THOC1: variants seen among roughly 807,000 people sequenced by gnomAD.
The protein encoded by THOC1 is THO complex 1.
A neutral mutation model predicts 97.3 loss-of-function variants in THOC1; 29 were observed. That is an observed-to-expected ratio of 0.30 (90% confidence interval 0.22 to 0.41). The LOEUF is 0.41. THOC1 is among the 10% of genes least tolerant of loss of function. The pLI, the probability that THOC1 is intolerant of heterozygous loss-of-function variation, is 1.00. For synonymous variants in THOC1, 255 were observed against 257.0 expected (o/e 0.99, Z 0.07); for missense variants, 529 against 761.9 (o/e 0.69, Z 3.60).
intron 10 of THOC1, among the ~76,000 whole-genome samples, chr18:247,447 G>A (rs1333011353): frequency 6.6e-6 from 1 of 152,170 alleles, no homozygotes; most frequent in African/African-American, 2.4e-5. Context: ...ACAGGTAAGT[G>A]GATGGTCATG....
chr18:251,204 A>G (rs1246296258), intron 9 of THOC1, among the ~76,000 whole-genome samples: 2 of 152,180 alleles, frequency 1.3e-5, no homozygotes, highest in African/African-American at 2.4e-5. Context: ...TAGAAGGTTA[A>G]GTAATTGGCC....
intron 11 of THOC1, among the ~76,000 whole-genome samples, chr18:235,977 A>G (rs987687140): frequency 2.6e-5 from 4 of 152,174 alleles, no homozygotes; most frequent in Non-Finnish European, 5.9e-5. Context: ...TTTTTGCTTA[A>G]TATATTTTGA....
intron 9 of THOC1, among the ~76,000 whole-genome samples, chr18:250,765 A>T (rs1056806083): frequency 1.3e-5 from 2 of 152,306 alleles, no homozygotes; most frequent in Middle Eastern, 3.4e-3. Flanking sequence ...GAGGCAGCTG[A>T]GTGTTGAGTC....
Position 252,585 on chromosome 18 carries a change from C to T in THOC1, c.631G>A (p.Asp211Asn). Residue 211 changes from aspartate to asparagine, a missense_variant, in exon 9 of 21, where the codon GAT becomes AAT. Physicochemically the swap from Asp to Asn is conservative, Grantham distance 23. Coordinates refer to ENST00000261600, the MANE Select transcript of THOC1 (RefSeq NM_005131.3). ...TCTCCCATTTCGCCTTCTTCTACAT[C>T]CATTCCTTCTTCTCTATCTTCAGTG... Reference protein sequence around the residue: ...KHTEDREEGMDVEEGEMGDEE... With the variant: ...KHTEDREEGMNVEEGEMGDEE... 1 of 1,608,122 alleles carries T rather than the reference C, an allele frequency of 6.2e-7. No homozygotes were observed. The highest frequency in any genetic ancestry group is 8.5e-7 in the Non-Finnish European group (1 of 1,178,202).
At chr18:241,268 T>C (rs569389776) in intron 11 of THOC1, among the ~76,000 whole-genome samples, 1 of 152,318 alleles carries the variant, frequency 6.6e-6, no homozygotes, top group East Asian at 1.9e-4. Context: ...GTATATCTTA[T>C]AAGAGACCCA....
chr18:249,157 T>C (rs1239814808), intron 9 of THOC1, among the ~76,000 whole-genome samples: 4 of 152,188 alleles, frequency 2.6e-5, no homozygotes, highest in African/African-American at 7.2e-5. Flanking sequence ...AAAATCTAAA[T>C]CTAGTTCTTG....
In THOC1 at chr18:214,938, A is replaced by G. The variant is rs747487166; in HGVS notation, c.1679-17T>C. On this transcript the variant is annotated splice_polypyrimidine_tract_variant and intron_variant, in intron 20 of 20. Coordinates refer to ENST00000261600, the MANE Select transcript of THOC1 (RefSeq NM_005131.3). ...CATCAGGACCTAGAAAATGAAGAGA[A>G]TATAAATTATGCGCAATTCTAAGTA... The G allele has an allele frequency of 6.2e-7, 1 of 1,610,944 alleles. No individual in the cohort carries two copies. Among genetic ancestry groups the G allele is most frequent in the Non-Finnish European group, 8.5e-7 (1 of 1,178,266 alleles).
chr18:248,759 AT>A lies in THOC1; in HGVS notation c.678-803del, dbSNP rs1029955181. ...GTCAATACATATTCTTTTAATTTAA[AT>A]TTTTTTTTTTAAAGGAGTCTCACTC... On this transcript the variant is annotated intron_variant, in intron 9 of 20. Coordinates refer to ENST00000261600, the MANE Select transcript of THOC1 (RefSeq NM_005131.3). 2.9e-4 allele frequency among the ~76,000 whole-genome samples: 43 copies of A among 149,050 alleles called. 1 individual carries two copies. The highest frequency in any genetic ancestry group is 1.4e-3 in the East Asian group (7 of 5,076).
chr18:246,262 G>T, intron 11 of THOC1, 62 bp downstream of exon 11: 2 of 1,279,720 alleles, frequency 1.6e-6, no homozygotes, highest in Non-Finnish European at 2.2e-6. Context: ...AAGGCTGTCA[G>T]CTAAACGGAA....
At chr18:235,582 T>C (rs991524258) in intron 11 of THOC1, among the ~76,000 whole-genome samples, 1 of 152,210 alleles carries the variant, frequency 6.6e-6, no homozygotes, top group Admixed American at 6.5e-5. Flanking sequence ...GAATTTCCAT[T>C]ATGAGTTCTT....
rs657138 is a variant in THOC1 at position 252,559 on chromosome 18, G to A, written c.657C>T (p.Asp219=). The A allele has an allele frequency of 0.99, 1,596,041 of 1,610,234 alleles. 791,940 individuals carry two copies. The highest frequency in any genetic ancestry group is 1 in the East Asian group (44,809 of 44,810). Residue 219 remains aspartate, a synonymous_variant, in exon 9 of 21, where the codon GAC becomes GAT. Coordinates refer to ENST00000261600, the MANE Select transcript of THOC1 (RefSeq NM_005131.3). ...CTCACCACGTTGTTGGAGCTTCCTC[G>A]TCTCCCATTTCGCCTTCTTCTACAT... ...GMDVEEGEMG[D]EEAPTTCSIP...
At chr18:238,543 G>T (rs772296097) in intron 11 of THOC1, among the ~76,000 whole-genome samples, 1 of 152,176 alleles carries the variant, frequency 6.6e-6, no homozygotes, top group Non-Finnish European at 1.5e-5. Flanking sequence ...CCTGGGCTAC[G>T]AACCTGTAGA....
chr18:230,499 G>T (rs1295054906), intron 11 of THOC1, among the ~76,000 whole-genome samples: 1 of 152,082 alleles, frequency 6.6e-6, no homozygotes, highest in Non-Finnish European at 1.5e-5. Flanking sequence ...CTGAATCAGG[G>T]GTGGAAAGGA....
At chr18:248,849 C>G (rs981530929) in intron 9 of THOC1, among the ~76,000 whole-genome samples, 49 of 152,102 alleles carry the variant, frequency 3.2e-4, no homozygotes, top group Non-Finnish European at 1.0e-4. Flanking sequence ...CTCCCGGGTT[C>G]AAGCGATTCT....
chr18:247,482 T>G (rs949091739), intron 10 of THOC1, among the ~76,000 whole-genome samples: 6 of 152,224 alleles, frequency 3.9e-5, no homozygotes, highest in African/African-American at 1.4e-4. Context: ...AACCTTTGTT[T>G]ATAAGCAGTA....
intron 9 of THOC1, among the ~76,000 whole-genome samples, chr18:249,905 C>T (rs1322466368): frequency 1.3e-5 from 2 of 152,136 alleles, no homozygotes; most frequent in African/African-American, 2.4e-5. Context: ...TTGAAATGTA[C>T]CAGGAAAGTT....
intron 11 of THOC1, among the ~76,000 whole-genome samples, chr18:230,015 G>C (rs987114160): frequency 1.1e-4 from 16 of 152,108 alleles, no homozygotes; most frequent in Non-Finnish European, 1.5e-5. Context: ...CCTAGATCTT[G>C]TTCCTAGTCT....
chr18:233,491 C>T (rs1459003287), intron 11 of THOC1, among the ~76,000 whole-genome samples: 6 of 152,170 alleles, frequency 3.9e-5, no homozygotes, highest in Non-Finnish European at 7.3e-5. Context: ...GAGGCTGAGG[C>T]AAGAGAATCA....
intron 11 of THOC1, among the ~76,000 whole-genome samples, chr18:235,877 T>C (rs532123358): frequency 2.4e-4 from 36 of 152,214 alleles, no homozygotes; most frequent in Non-Finnish European, 4.3e-4. Context: ...ATCTTCCATA[T>C]ACTTAACTAA....
Sources: allele counts gnomAD v4.1 joint callset (sites outside exome capture counted in the v4.1 genomes callset), GRCh38; gene constraint gnomAD v4.1.1; transcripts MANE v1.5; gene names NCBI Gene and HGNC (gene_info 2026-07-23, HGNC 2026-07-21).